EGFR: variants seen among roughly 807,000 people sequenced by gnomAD.
EGFR encodes epidermal growth factor receptor, also known as avian erythroblastic leukemia viral (v-erb-b) oncogene homolog.
A neutral mutation model predicts 143.0 loss-of-function variants in EGFR; 58 were observed. The observed-to-expected ratio is 0.41, with a 90% CI of 0.33 to 0.50. The LOEUF (loss-of-function observed/expected upper bound fraction) is 0.50, where lower values mean the gene tolerates loss of function less well. Ranked by LOEUF, EGFR falls within the 20% of genes least tolerant of loss-of-function variation. The pLI, the probability that EGFR is intolerant of heterozygous loss-of-function variation, is 0.39. For missense variants in EGFR, 1,307 were observed against 1,579.0 expected (o/e 0.83, Z 2.92); for synonymous variants, 613 against 594.4 (o/e 1.03, Z -0.45).
chr7:55,071,758 G>T (rs1459738090), intron 1 of EGFR, among the ~76,000 whole-genome samples: 1 of 152,146 alleles, frequency 6.6e-6, no homozygotes, highest in African/African-American at 2.4e-5. Flanking sequence ...AGAATCACAT[G>T]GTTCTCTCCA....
chr7:55,199,051 C>T (rs1449073553), intron 23 of EGFR, among the ~76,000 whole-genome samples, 188 bp downstream of exon 23: 1 of 152,224 alleles, frequency 6.6e-6, no homozygotes, highest in Non-Finnish European at 1.5e-5. Context: ...ACTCATTGGG[C>T]AGTATGACCT....
intron 1 of EGFR, among the ~76,000 whole-genome samples, chr7:55,124,775 TA>T: frequency 6.6e-6 from 1 of 152,334 alleles, no homozygotes; most frequent in African/African-American, 2.4e-5. Context: ...TCACAGTCTA[TA>T]AACCTGAGCC....
chr7:55,157,862 G>T (rs994744692), intron 11 of EGFR, 109 bp downstream of exon 11: 48 of 1,098,872 alleles, frequency 4.4e-5, no homozygotes, highest in Non-Finnish European at 6.5e-5. Context: ...TGCATCTCTC[G>T]CCGGCATTCC....
rs555208961 is a variant in EGFR, at chr7:55,205,933, G to A, written c.*316G>A. 38 of 435,162 alleles carry A rather than the reference G, an allele frequency of 8.7e-5. No individual in the cohort carries two copies. Among genetic ancestry groups the A allele is most frequent in the Non-Finnish European group, 1.5e-4 (36 of 239,548 alleles). The allele number at this position is 435,162 out of a possible 1,614,324, so 27.0% of individuals were successfully genotyped here. ...AAAAGTATATGTGAGGATTTTTATT[G>A]ATTGGGGATCTTGGAGTTTTTCATT... On this transcript the variant is annotated 3_prime_UTR_variant, in exon 28 of 28. Coordinates refer to ENST00000275493, the MANE Select transcript of EGFR (RefSeq NM_005228.5).
At chr7:55,028,041 T>C (rs983564719) in intron 1 of EGFR, among the ~76,000 whole-genome samples, 1 of 131,260 alleles carries the variant, frequency 7.6e-6, no homozygotes, top group East Asian at 2.6e-4. Flanking sequence ...CACACACACA[T>C]ATGGAGGTAA....
chr7:55,154,241 G>C, intron 7 of EGFR, 89 bp downstream of exon 7: 3 of 1,593,538 alleles, frequency 1.9e-6, no homozygotes, highest in Non-Finnish European at 8.6e-7. Flanking sequence ...CCATCTTGGA[G>C]AGTCTTTGGG....
At chr7:55,190,017 G>A (rs930811622) in intron 20 of EGFR, among the ~76,000 whole-genome samples, 5 of 152,188 alleles carry the variant, frequency 3.3e-5, no homozygotes, top group African/African-American at 9.7e-5. Context: ...GGAGTCAAAC[G>A]AGGCAGACAG....
intron 1 of EGFR, among the ~76,000 whole-genome samples, chr7:55,030,041 G>A (rs573077928): frequency 2.0e-5 from 3 of 152,246 alleles, no homozygotes; most frequent in African/African-American, 7.2e-5. Context: ...CCACAGGATT[G>A]GGATAGCTTT....
chr7:55,176,814 T>C (rs1219361978), intron 19 of EGFR, among the ~76,000 whole-genome samples: 1 of 147,514 alleles, frequency 6.8e-6, no homozygotes, highest in East Asian at 2.0e-4. Flanking sequence ...TATAAATATA[T>C]ATGATATATA....
intron 1 of EGFR, among the ~76,000 whole-genome samples, chr7:55,037,814 C>A (rs1274926810): frequency 6.6e-6 from 1 of 152,186 alleles, no homozygotes; most frequent in Admixed American, 6.5e-5. Flanking sequence ...ATTCTGACTT[C>A]TTTTTTTCTG....
intron 1 of EGFR, among the ~76,000 whole-genome samples, chr7:55,025,758 G>A (rs1219345330): frequency 6.6e-6 from 1 of 152,184 alleles, no homozygotes; most frequent in East Asian, 1.9e-4. Flanking sequence ...CACACCAGGG[G>A]TTCTGGATAC....
In EGFR at chr7:55,084,964, C is replaced by T. The variant is rs539185619; in HGVS notation, c.89-57322C>T. On this transcript the variant is annotated intron_variant, in intron 1 of 27. Coordinates refer to ENST00000275493, the MANE Select transcript of EGFR (RefSeq NM_005228.5). ...TTCCATAGTCAGGCATATTGTCACA[C>T]TCAGTGAGCGGAGAGTCAACCGGGA... Among the ~76,000 whole-genome samples the T allele has an allele frequency of 2.0e-5, 3 of 152,244 alleles. No homozygotes were observed. In the East Asian group the frequency reaches 5.8e-4, roughly 29 times the overall value.
In EGFR at chr7:55,199,304, C is replaced by G. The variant is rs115281954; in HGVS notation, c.2848+441C>G. 4.7e-3 allele frequency among the ~76,000 whole-genome samples: 715 copies of G among 152,324 alleles called. 7 individuals carry two copies. The highest frequency in any genetic ancestry group is 0.016 in the African/African-American group (655 of 41,568). On this transcript the variant is annotated intron_variant, in intron 23 of 27. Transcript: ENST00000275493. Reference sequence around the variant, plus strand: ...AAACCAGTGGATTTATGTGAAGTCTCTGCAGTGTGGCATTTAAACATTTCA... The same window carrying G: ...AAACCAGTGGATTTATGTGAAGTCTGTGCAGTGTGGCATTTAAACATTTCA...
intron 1 of EGFR, chr7:55,119,339 T>C (rs911973947): frequency 6.6e-6 from 1 of 152,184 alleles, no homozygotes; most frequent in African/African-American, 2.4e-5. Flanking sequence ...CAATAAGCCA[T>C]GACATAGAGC....
At chr7:55,141,564 T>C (rs1215922263) in intron 1 of EGFR, among the ~76,000 whole-genome samples, 1 of 152,234 alleles carries the variant, frequency 6.6e-6, no homozygotes, top group African/African-American at 2.4e-5. Flanking sequence ...AGAGTGTTTT[T>C]AAATGTTGTA....
intron 1 of EGFR, among the ~76,000 whole-genome samples, chr7:55,130,669 A>G (rs1793778371): frequency 6.6e-6 from 1 of 152,240 alleles, no homozygotes; most frequent in Non-Finnish European, 1.5e-5. Flanking sequence ...AGAGCACACA[A>G]ATCCAACCAC....
chr7:55,102,214 C>A (rs187894981), intron 1 of EGFR, among the ~76,000 whole-genome samples: 1 of 152,148 alleles, frequency 6.6e-6, no homozygotes. Flanking sequence ...ACCTGTAAGA[C>A]CCCTACTGGA....
chr7:55,124,607 G>T (rs1793413320), intron 1 of EGFR, among the ~76,000 whole-genome samples: 1 of 152,158 alleles, frequency 6.6e-6, no homozygotes, highest in Non-Finnish European at 1.5e-5. Flanking sequence ...GATCCCTCGG[G>T]GGCAATTCAA....
At chr7:55,173,864 T>C in intron 17 of EGFR, 57 bp from the exon 18 acceptor site, 1 of 1,613,942 alleles carries the variant, frequency 6.2e-7, no homozygotes, top group African/African-American at 1.3e-5. Flanking sequence ...CTGGCACTGC[T>C]TTCCAGCATG....
Sources: allele counts gnomAD v4.1 joint callset (sites outside exome capture counted in the v4.1 genomes callset), GRCh38; gene constraint gnomAD v4.1.1; transcripts MANE v1.5; gene names NCBI Gene and HGNC (gene_info 2026-07-23, HGNC 2026-07-21).